The following ZNF407 variants were observed in gnomAD, a reference collection of about 807,000 sequenced individuals.
ZNF407 encodes the protein zinc finger protein 407.
In ZNF407, 17 loss-of-function variants were observed where a neutral mutation model predicts 131.2. The observed-to-expected ratio is 0.13, with a 90% confidence interval of 0.09 to 0.19. The LOEUF (loss-of-function observed/expected upper bound fraction) is 0.19. ZNF407 is among the 10% of genes least tolerant of loss of function. The pLI is 1.00. For missense variants in ZNF407, 2,681 were observed against 2,830.6 expected (o/e 0.95, Z 1.20); for synonymous variants, 1,156 against 1,062.0 (o/e 1.09, Z -1.72).
At chr18:74,876,442 C>T (rs1971157579) in intron 4 of ZNF407, among the ~76,000 whole-genome samples, 1 of 152,130 alleles carries the variant, frequency 6.6e-6, no homozygotes, top group African/African-American at 2.4e-5. Flanking sequence ...GAAGATCAAA[C>T]AGAGGAAGTA....
At chr18:74,628,142 T>C (rs1350522103) in intron 1 of ZNF407, among the ~76,000 whole-genome samples, 1 of 152,148 alleles carries the variant, frequency 6.6e-6, no homozygotes, top group African/African-American at 2.4e-5. Flanking sequence ...TCTGAAGGAA[T>C]GTATCTGAAC....
intron 3 of ZNF407, among the ~76,000 whole-genome samples, chr18:74,696,046 A>C (rs1362498950): frequency 6.6e-6 from 1 of 152,192 alleles, no homozygotes; most frequent in Non-Finnish European, 1.5e-5. Context: ...CCTGGAGAAT[A>C]GAGTGCTTCG....
chr18:74,803,414 GAGA>G (rs1203136479), intron 4 of ZNF407, among the ~76,000 whole-genome samples: 7 of 152,172 alleles, frequency 4.6e-5, no homozygotes, highest in African/African-American at 7.2e-5. Flanking sequence ...CCTGTTTTCT[GAGA>G]AGAAGGACCT....
intron 7 of ZNF407, among the ~76,000 whole-genome samples, chr18:74,904,700 A>G (rs1265909155): frequency 6.6e-6 from 1 of 152,214 alleles, no homozygotes; most frequent in Non-Finnish European, 1.5e-5. Context: ...GGTTGTAGAT[A>G]GTATGATTGG....
intron 3 of ZNF407, among the ~76,000 whole-genome samples, chr18:74,722,919 T>C (rs1968072888): frequency 6.6e-6 from 1 of 152,170 alleles, no homozygotes; most frequent in African/African-American, 2.4e-5. Context: ...TTTCTGTTTT[T>C]CTACTTGAAC....
intron 3 of ZNF407, among the ~76,000 whole-genome samples, chr18:74,742,497 A>G (rs1968572070): frequency 6.6e-6 from 1 of 152,114 alleles, no homozygotes; most frequent in African/African-American, 2.4e-5. Context: ...TATTTTTCAG[A>G]GATAGTTTGA....
At chr18:74,927,006 G>A (rs889280977) in intron 8 of ZNF407, among the ~76,000 whole-genome samples, 3 of 152,184 alleles carry the variant, frequency 2.0e-5, no homozygotes, top group African/African-American at 7.2e-5. Flanking sequence ...TGGTTGTTAT[G>A]TATGGTTTCC....
chr18:74,934,377 A>G (rs1972015526), intron 8 of ZNF407, among the ~76,000 whole-genome samples: 1 of 152,142 alleles, frequency 6.6e-6, no homozygotes, highest in African/African-American at 2.4e-5. Flanking sequence ...GTCTGGTTTC[A>G]TTAAGTTAAT....
At chr18:74,906,938 G>A (rs1211505696) in intron 7 of ZNF407, among the ~76,000 whole-genome samples, 2 of 152,066 alleles carry the variant, frequency 1.3e-5, no homozygotes, top group Admixed American at 1.3e-4. Context: ...ATATGTGTGT[G>A]CACACACACT....
chr18:74,825,395 T>A (rs1012438311), intron 4 of ZNF407, among the ~76,000 whole-genome samples: 7 of 152,146 alleles, frequency 4.6e-5, no homozygotes, highest in Admixed American at 3.3e-4. Flanking sequence ...AAAGAGGAAG[T>A]CAAATTTTCT....
chr18:74,823,633 A>C lies in ZNF407; in HGVS notation c.4877+42131A>C, dbSNP rs182803203. Among the ~76,000 whole-genome samples, 10 of 152,336 alleles carry C rather than the reference A, an allele frequency of 6.6e-5. No homozygotes were observed. The East Asian group carries it at 9.6e-4, about 15-fold the overall frequency. ...ACAAAGAAGGGCATTACATAATGGT[A>C]AAGGTATCAATGCAACAAGAAGAGC... On this transcript the variant is annotated intron_variant, in intron 4 of 8. Transcript: ENST00000299687.
intron 8 of ZNF407, among the ~76,000 whole-genome samples, chr18:75,010,811 T>C (rs1972965770): frequency 6.6e-6 from 1 of 152,186 alleles, no homozygotes; most frequent in South Asian, 2.1e-4. Context: ...TGTGGATCTA[T>C]GTAAATGAAT....
intron 3 of ZNF407, among the ~76,000 whole-genome samples, chr18:74,729,229 A>G (rs1465652642): frequency 6.6e-6 from 1 of 152,206 alleles, no homozygotes; most frequent in Non-Finnish European, 1.5e-5. Flanking sequence ...AGAACAATAT[A>G]CTTATTACTG....
Position 75,063,757 on chromosome 18 carries a change from C to G in ZNF407, c.6036C>G (p.Gly2012=). The part of the protein sequence containing the change: ...VEGRAGLEEQ[G]RPGAKDVLIQ... ...GCAGGGCTGGGCTCGAGGAGCAAGG[C>G]AGGCCCGGCGCCAAAGACGTGCTGA... The change falls in exon 9 of 9, where the codon GGC becomes GGG. Residue 2012 remains glycine, a synonymous_variant. Coordinates refer to ENST00000299687, the MANE Select transcript of ZNF407 (RefSeq NM_017757.3). This position sits in a 1 kb window ranked among gnomAD's most constrained non-coding sequence, Gnocchi z 6.6. The G allele has an allele frequency of 6.2e-7, 1 of 1,611,612 alleles. No homozygotes were observed. The highest frequency in any genetic ancestry group is 1.1e-5 in the South Asian group (1 of 91,050).
intron 7 of ZNF407, among the ~76,000 whole-genome samples, chr18:74,891,050 TGAGATA>T: frequency 6.6e-6 from 1 of 152,296 alleles, no homozygotes; most frequent in South Asian, 2.1e-4. Flanking sequence ...CAGAAGAGTG[TGAGATA>T]GACTCAGGCG....
rs188020649 is a variant in ZNF407, at chr18:75,000,821, A to C, written c.5429-62329A>C. On this transcript the variant is annotated intron_variant, in intron 8 of 8. Transcript: ENST00000299687. Reference sequence around the variant, plus strand: ...TGTGGAATATAAACTAGGATGAAGTAATTGTGCTTCACCTGAAAGATCATA... The same window carrying C: ...TGTGGAATATAAACTAGGATGAAGTCATTGTGCTTCACCTGAAAGATCATA... Among the ~76,000 whole-genome samples, 338 of 152,288 alleles carry C rather than the reference A, an allele frequency of 2.2e-3. 2 individuals carry two copies. The highest frequency in any genetic ancestry group is 7.4e-3 in the African/African-American group (307 of 41,550).
chr18:74,792,550 A>T, intron 4 of ZNF407, among the ~76,000 whole-genome samples: 1 of 151,266 alleles, frequency 6.6e-6, no homozygotes, highest in East Asian at 1.9e-4. Flanking sequence ...TTATATTGTT[A>T]TTATGATAAT....
At chr18:75,019,253 A>G (rs1182986047) in intron 8 of ZNF407, among the ~76,000 whole-genome samples, 1 of 152,206 alleles carries the variant, frequency 6.6e-6, no homozygotes, top group Non-Finnish European at 1.5e-5. Flanking sequence ...TACATAAAAT[A>G]AAATTCAGAT....
intron 3 of ZNF407, among the ~76,000 whole-genome samples, chr18:74,672,978 T>A (rs1046070584): frequency 1.3e-5 from 2 of 152,184 alleles, no homozygotes; most frequent in African/African-American, 4.8e-5. Context: ...GTTACTGACT[T>A]TTTTTGTGTG....
Sources: allele counts gnomAD v4.1 joint callset (sites outside exome capture counted in the v4.1 genomes callset), GRCh38; gene constraint gnomAD v4.1.1; non-coding constraint Gnocchi (gnomAD v3.1); transcripts MANE v1.5; gene names NCBI Gene and HGNC (gene_info 2026-07-23, HGNC 2026-07-21).